Variants in FBXO4 observed in about 807,000 individuals in gnomAD.
The protein encoded by FBXO4 is F-box only protein 4.
A neutral mutation model predicts 43.7 loss-of-function variants in FBXO4; 36 were observed. That is an observed-to-expected ratio of 0.82 (90% CI 0.63 to 1.09). The LOEUF is 1.09. Ranked by LOEUF, FBXO4 falls within the 50% of genes least tolerant of loss-of-function variation. The pLI, the probability that FBXO4 is intolerant of heterozygous loss-of-function variation, is 0.00. For synonymous variants in FBXO4, 180 were observed against 165.6 expected, an observed-to-expected ratio of 1.09 and a Z score of -0.67; for missense variants, 435 against 474.1, an observed-to-expected ratio of 0.92 and a Z score of 0.77.
At chr5:42,021,285 A>G in the FBXO4 span, among the ~76,000 whole-genome samples, 1 of 152,144 alleles carries the variant, frequency 6.6e-6, no homozygotes, top group Non-Finnish European at 1.5e-5. Context: ...GATACAAGGG[A>G]AAGATTCAAG....
the FBXO4 span, among the ~76,000 whole-genome samples, chr5:42,006,400 G>A: frequency 3.9e-5 from 6 of 151,908 alleles, no homozygotes; most frequent in Non-Finnish European, 8.8e-5. Flanking sequence ...CTACCTATAA[G>A]CAAGAATTAT....
chr5:41,942,463 T>G, downstream of FBXO4, among the ~76,000 whole-genome samples: 1 of 149,618 alleles, frequency 6.7e-6, no homozygotes, highest in Non-Finnish European at 1.5e-5. Flanking sequence ...ATTAAGATAT[T>G]ATATCTGATG....
the FBXO4 span, among the ~76,000 whole-genome samples, chr5:42,006,769 C>A: frequency 6.6e-6 from 1 of 151,010 alleles, no homozygotes; most frequent in South Asian, 2.1e-4. Flanking sequence ...AATTGTGATT[C>A]TCCTTCACTT....
At chr5:42,000,638 T>C in the FBXO4 span, among the ~76,000 whole-genome samples, 1 of 152,210 alleles carries the variant, frequency 6.6e-6, no homozygotes, top group South Asian at 2.1e-4. Flanking sequence ...TTTTGTGTCA[T>C]ATCCAAAAAA....
chr5:42,001,022 T>A, the FBXO4 span, among the ~76,000 whole-genome samples: 1 of 152,340 alleles, frequency 6.6e-6, no homozygotes, highest in East Asian at 1.9e-4. Context: ...GATTTCAGCT[T>A]TGCTATTCCT....
chr5:41,950,188 T>C, the FBXO4 span, among the ~76,000 whole-genome samples: 4 of 151,936 alleles, frequency 2.6e-5, no homozygotes, highest in Non-Finnish European at 5.9e-5. Flanking sequence ...CCAAAAGCAA[T>C]GGCAACAAAA....
At chr5:41,958,110 T>C in the FBXO4 span, among the ~76,000 whole-genome samples, 2 of 151,964 alleles carry the variant, frequency 1.3e-5, no homozygotes, top group African/African-American at 4.8e-5. Flanking sequence ...TTAAGAATTC[T>C]TAAATCTAGT....
the FBXO4 span, among the ~76,000 whole-genome samples, chr5:42,030,519 G>C: frequency 1.3e-5 from 2 of 151,906 alleles, no homozygotes; most frequent in Admixed American, 1.3e-4. Flanking sequence ...AGAAAACCTA[G>C]GCAATACCAT....
Position 41,934,162 on chromosome 5 carries a change from AT to A in FBXO4, c.753del (p.His251GlnfsTer25). 6.2e-7 allele frequency: 1 copy of A among 1,614,108 alleles called. No individual in the cohort carries two copies. The highest frequency in any genetic ancestry group is 8.5e-7 in the Non-Finnish European group (1 of 1,179,994). ...GAAAGAGATAGAGCAAGGGAAGAGC[AT>A]ACAAGTGCAGTTAACAAGATGTTCA... Reference protein sequence around the residue: ...RKERDRAREEHTSAVNKMFSR... With the variant: ...RKERDRAREEXTSAVNKMFSR... On this transcript the variant is annotated frameshift_variant, in exon 5 of 7. Coordinates refer to ENST00000281623, the MANE Select transcript of FBXO4 (RefSeq NM_012176.3). LOFTEE classifies it high-confidence loss of function.
chr5:41,978,569 T>C, the FBXO4 span, among the ~76,000 whole-genome samples: 1 of 152,184 alleles, frequency 6.6e-6, no homozygotes, highest in Non-Finnish European at 1.5e-5. Context: ...TCTTAAGTAG[T>C]ATTCTGAAAA....
downstream of FBXO4, among the ~76,000 whole-genome samples, chr5:41,945,685 G>A (rs576454337): frequency 1.7e-4 from 26 of 152,258 alleles, no homozygotes; most frequent in African/African-American, 6.3e-4. Context: ...GCCTATAAAT[G>A]GATATGTGGG....
At position 41,934,295 on chromosome 5, in the gene FBXO4, T is replaced by C. The variant is rs746105599; in HGVS notation, c.885T>C (p.Ala295=). 2 of 1,614,164 alleles carry C rather than the reference T, an allele frequency of 1.2e-6. No homozygotes were observed. The highest frequency in any genetic ancestry group is 1.7e-5 in the Admixed American group (1 of 60,032). The change falls in exon 5 of 7, where the codon GCT becomes GCC. Residue 295 remains alanine, a synonymous_variant. Transcript: ENST00000281623. ...ATGGGTTCATCTATGTTGCAAATGC[T>C]GAAGCTCATAAAAGTAAGTACTCAT... is the stretch of plus-strand genomic sequence containing the variant. ...VVDGFIYVAN[A]EAHKRHEWQD...
chr5:42,031,376 A>T, the FBXO4 span, among the ~76,000 whole-genome samples: 1 of 149,728 alleles, frequency 6.7e-6, no homozygotes. Context: ...ACCAAACACC[A>T]CATGTTCTCA....
downstream of FBXO4, among the ~76,000 whole-genome samples, chr5:41,945,159 T>A (rs970746090): frequency 1.2e-4 from 19 of 152,292 alleles, no homozygotes; most frequent in East Asian, 7.7e-4. Flanking sequence ...AACATTTTTT[T>A]AAAAAAAGTG....
At chr5:41,933,514 G>GCC (rs199538779) in intron 3 of FBXO4, among the ~76,000 whole-genome samples, 40 of 151,738 alleles carry the variant, frequency 2.6e-4, no homozygotes, top group African/African-American at 9.4e-4. Flanking sequence ...CACTGTGCCT[G>GCC]CCCCCCCCAT....
At chr5:41,953,143 C>T in the FBXO4 span, among the ~76,000 whole-genome samples, 1 of 151,768 alleles carries the variant, frequency 6.6e-6, no homozygotes. Flanking sequence ...CTATCCCTCC[C>T]CCGTCCCCCC....
the FBXO4 span, among the ~76,000 whole-genome samples, chr5:41,972,965 A>T: frequency 6.6e-6 from 1 of 152,080 alleles, no homozygotes; most frequent in African/African-American, 2.4e-5. Context: ...AACTATAAAA[A>T]CCCCAAGAAG....
intron 3 of FBXO4, among the ~76,000 whole-genome samples, chr5:41,931,503 G>A (rs1751687222): frequency 6.6e-6 from 1 of 152,224 alleles, no homozygotes; most frequent in Non-Finnish European, 1.5e-5. Flanking sequence ...CTCCATGGAA[G>A]ATCCAAGTAG....
chr5:41,956,692 T>C, the FBXO4 span, among the ~76,000 whole-genome samples: 1 of 148,972 alleles, frequency 6.7e-6, no homozygotes, highest in African/African-American at 2.5e-5. Flanking sequence ...TTTCCTTGTA[T>C]GTAATTTTTT....
Sources: allele counts gnomAD v4.1 joint callset (sites outside exome capture counted in the v4.1 genomes callset), GRCh38; gene constraint gnomAD v4.1.1; transcripts MANE v1.5; gene names NCBI Gene and HGNC (gene_info 2026-07-23, HGNC 2026-07-21).